Variants in P3H1 observed in about 807,000 individuals in gnomAD.
P3H1 encodes the protein prolyl 3-hydroxylase 1.
Under a neutral mutation model 84.0 loss-of-function variants are expected in P3H1, and 69 were observed. The ratio of observed to expected loss-of-function variants is 0.82; its 90% CI spans 0.68 to 1.00. The LOEUF (loss-of-function observed/expected upper bound fraction) is 1.00, where lower values mean the gene tolerates loss of function less well. Ranked by LOEUF, P3H1 falls within the 50% of genes least tolerant of loss-of-function variation. The pLI, the probability that P3H1 is intolerant of heterozygous loss-of-function variation, is 0.00. For missense variants in P3H1, 878 were observed against 962.8 expected, an observed-to-expected ratio of 0.91 and a Z score of 1.17; for synonymous variants, 366 against 388.8, an observed-to-expected ratio of 0.94 and a Z score of 0.69.
intron 2 of P3H1, chr1:42,760,745 C>A (rs1447391461): frequency 6.7e-6 from 1 of 148,548 alleles, no homozygotes; most frequent in African/African-American, 2.5e-5. Context: ...ACCTCCGCCT[C>A]CTGGGTTCAA....
chr1:42,749,653 A>G (rs557048992), intron 11 of P3H1, among the ~76,000 whole-genome samples: 1 of 152,230 alleles, frequency 6.6e-6, no homozygotes, highest in African/African-American at 2.4e-5. Flanking sequence ...ACCAGGCTGC[A>G]CAATGCCTCC....
At chr1:42,764,608 TCAA>T (rs1205324104) in intron 1 of P3H1, among the ~76,000 whole-genome samples, 2 of 152,090 alleles carry the variant, frequency 1.3e-5, no homozygotes, top group Non-Finnish European at 2.9e-5. Context: ...TGTTGAGAGT[TCAA>T]CGAGATAATA....
At chr1:42,757,012 T>G (rs1256601359) in intron 5 of P3H1, among the ~76,000 whole-genome samples, 1 of 152,200 alleles carries the variant, frequency 6.6e-6, no homozygotes, top group Non-Finnish European at 1.5e-5. Context: ...GACTTCTAGT[T>G]AAAAATGCTA....
intron 5 of P3H1, among the ~76,000 whole-genome samples, chr1:42,757,254 A>G (rs1007534876): frequency 4.6e-5 from 7 of 152,230 alleles, no homozygotes; most frequent in African/African-American, 1.7e-4. Context: ...AGAGCTCGGA[A>G]GAAGAGCCTG....
Position 42,754,452 on chromosome 1 carries a change from G to C in P3H1, c.1345+417C>G, listed in dbSNP as rs1306236277. 2.0e-5 allele frequency among the ~76,000 whole-genome samples: 3 copies of C among 152,168 alleles called. No individual in the cohort carries two copies. In the South Asian group the frequency reaches 6.2e-4, roughly 32 times the overall value. ...AAAACAGTTTGGGAGTGGGGAGACA[G>C]GATGAGTTAATACCTATGGAAGTGG... On this transcript the variant is annotated intron_variant, in intron 8 of 14. Coordinates refer to ENST00000296388, the MANE Select transcript of P3H1 (RefSeq NM_022356.4). This position sits in a 1 kb window ranked among gnomAD's most constrained non-coding sequence, Gnocchi z 4.0.
chr1:42,766,386 G>T lies in P3H1; in HGVS notation c.465+121C>A. On this transcript the variant is annotated intron_variant, in intron 1 of 14. Coordinates refer to ENST00000296388, the MANE Select transcript of P3H1 (RefSeq NM_022356.4). ...CCCCGGCTCCGAGGAGAGCTCCCCA[G>T]CCAGGAGGCCACTTTCCCCTCCCTG... 7 of 899,648 alleles carry T rather than the reference G, an allele frequency of 7.8e-6. No individual in the cohort carries two copies. The South Asian group carries it at 8.9e-5, about 11-fold the overall frequency. 55.7% of individuals were successfully genotyped at this position (899,648 alleles called of 1,614,324 possible). A position where few individuals can be genotyped will look rare whatever the true frequency, so the allele number is the denominator to read the frequency against.
rs1570483576 is a variant in P3H1 at position 42,764,815 on chromosome 1, A to G, written c.465+1692T>C. Among the ~76,000 whole-genome samples, 7 of 152,276 alleles carry G rather than the reference A, an allele frequency of 4.6e-5. No individual in the cohort carries two copies. The Middle Eastern group carries it at 0.02, about 444-fold the overall frequency. ...GTACCTCAGTTTCTTTAACTGTAAAATTAGAAATTTTTTCAGGTCTGTCCC... is the reference window on the plus strand; with the variant it reads ...GTACCTCAGTTTCTTTAACTGTAAAGTTAGAAATTTTTTCAGGTCTGTCCC... On this transcript the variant is annotated intron_variant, in intron 1 of 14. Transcript: ENST00000296388.
rs934351470 is a variant in P3H1, at chr1:42,746,638, G to A, written c.*59C>T. 2 of 1,407,840 alleles carry A rather than the reference G, an allele frequency of 1.4e-6. No homozygotes were observed. The highest frequency in any genetic ancestry group is 2.5e-5 in the South Asian group (2 of 81,236). 87.2% of individuals were successfully genotyped at this position (1,407,840 alleles called of 1,614,324 possible). A position where few individuals can be genotyped will look rare whatever the true frequency, so the allele number is the denominator to read the frequency against. On this transcript the variant is annotated 3_prime_UTR_variant, in exon 15 of 15. Transcript: ENST00000296388. ...CAGCCCCGAGGGGCTGGCCAGCTCA[G>A]AGTGCAGAAGAGTTCCTCTCCATGG...
intron 2 of P3H1, chr1:42,762,082 T>G: frequency 2.0e-6 from 1 of 488,676 alleles, no homozygotes; most frequent in Non-Finnish European, 3.7e-6. Context: ...ATTCATTACT[T>G]CTGTAATGTA....
chr1:42,751,440 G>A (rs1428390842), intron 10 of P3H1, among the ~76,000 whole-genome samples: 7 of 128,268 alleles, frequency 5.5e-5, no homozygotes, highest in Non-Finnish European at 8.1e-5. Flanking sequence ...GCGGAAGGCC[G>A]CAGGGTCCTC....
chr1:42,755,403 C>A, intron 6 of P3H1, 145 bp downstream of exon 6: 1 of 943,530 alleles, frequency 1.1e-6, no homozygotes, highest in African/African-American at 1.6e-5. Flanking sequence ...TCATCTGTCT[C>A]TCATCCCTGC....
rs374946028 is a variant in P3H1, at chr1:42,748,191, C to T, written c.1838+9G>A. The stretch of plus-strand genomic sequence containing the variant: ...AGACCTCCTCACCCTGCACCTGCCC[C>T]GCACTCACCTGTAGTCGCGGAAGGT... On this transcript the variant is annotated intron_variant, in intron 12 of 14. Transcript: ENST00000296388. The T allele has an allele frequency of 8.0e-5, 128 of 1,606,050 alleles. No homozygotes were observed. The African/African-American group carries it at 1.3e-3, about 17-fold the overall frequency.
chr1:42,757,796 A>G lies in P3H1; in HGVS notation c.1067T>C (p.Ile356Thr), dbSNP rs1184804170. Residue 356 changes from isoleucine (I) to threonine (T), a missense_variant, in exon 5 of 15, where the codon ATC (isoleucine) becomes ACC (threonine). Coordinates refer to ENST00000296388, the MANE Select transcript of P3H1 (RefSeq NM_022356.4). ...AMLGEEHTRS[I>T]GPRESAKEYR... Reference sequence around the variant, plus strand: ...GAAGTCTCTCACCTCACGGGGGCCGATGGATCTGGTGTGTTCTTCTCCAAG... The same window carrying G: ...GAAGTCTCTCACCTCACGGGGGCCGGTGGATCTGGTGTGTTCTTCTCCAAG... The G allele has an allele frequency of 6.2e-7, 1 of 1,614,216 alleles. No individual in the cohort carries two copies. Among genetic ancestry groups the G allele is most frequent in the Non-Finnish European group, 8.5e-7 (1 of 1,180,036 alleles).
intron 11 of P3H1, chr1:42,749,753 CTTT>C: frequency 1.4e-5 from 2 of 138,560 alleles, no homozygotes; most frequent in East Asian, 1.6e-4. Context: ...GGGAAGCCTT[CTTT>C]TTGTTGTTGT....
intron 10 of P3H1, among the ~76,000 whole-genome samples, chr1:42,750,790 G>A (rs1435317954): frequency 2.8e-5 from 4 of 144,490 alleles, no homozygotes; most frequent in African/African-American, 1.0e-4. Flanking sequence ...CCCTCTGCCC[G>A]GCCAGCCGCC....
chr1:42,759,771 G>A (rs568751896), intron 2 of P3H1, among the ~76,000 whole-genome samples: 3 of 151,614 alleles, frequency 2.0e-5, no homozygotes, highest in East Asian at 3.9e-4. Flanking sequence ...TAGTAAAGAC[G>A]GGGTTTCACC....
Position 42,766,891 on chromosome 1 carries a change from C to G in P3H1, c.81G>C (p.Glu27Asp), listed in dbSNP as rs201750444. The change falls in exon 1 of 15, where the codon GAG becomes GAC. Residue 27 changes from glutamate (E) to aspartate (D), a missense_variant. Physicochemically the swap from Glu to Asp is conservative, Grantham distance 45 (BLOSUM62 2). Coordinates refer to ENST00000296388, the MANE Select transcript of P3H1 (RefSeq NM_022356.4). ...AAASQAEVES[E>D]AGWGMVTPDL... Reference sequence around the variant, plus strand: ...CAGGCGTCACCATGCCCCATCCTGCCTCGGACTCGACCTCGGCTTGGGAGG... The same window carrying G: ...CAGGCGTCACCATGCCCCATCCTGCGTCGGACTCGACCTCGGCTTGGGAGG... 9.4e-5 allele frequency: 152 copies of G among 1,608,898 alleles called. No individual in the cohort carries two copies. In the East Asian group the frequency reaches 3.2e-3, roughly 34 times the overall value.
rs548987602 is a variant in P3H1, at chr1:42,752,679, C to A, written c.1346-15G>T. On this transcript the variant is annotated splice_polypyrimidine_tract_variant and intron_variant, in intron 8 of 14. Transcript: ENST00000296388. ...CAGGGGGCCACCTGCAAAGCAATGA[C>A]AAAACTCTAGCTAAATCTAGCAGCA... 74 of 1,614,158 alleles carry A rather than the reference C, an allele frequency of 4.6e-5. 1 individual carries two copies. In the East Asian group the frequency reaches 1.6e-3, roughly 36 times the overall value.
intron 10 of P3H1, 40 bp downstream of exon 10, chr1:42,752,234 C>G: frequency 6.5e-7 from 1 of 1,533,728 alleles, no homozygotes; most frequent in East Asian, 2.2e-5. Context: ...CCTTCCCCAC[C>G]CCTTTCTCCA....
Sources: allele counts gnomAD v4.1 joint callset (sites outside exome capture counted in the v4.1 genomes callset), GRCh38; gene constraint gnomAD v4.1.1; non-coding constraint Gnocchi (gnomAD v3.1); transcripts MANE v1.5; gene names NCBI Gene and HGNC (gene_info 2026-07-23, HGNC 2026-07-21).